Variants in RASGRP3 observed in about 807,000 individuals in gnomAD.
RASGRP3 encodes RAS guanyl releasing protein 3, also known as ras guanyl-releasing protein 3.
Under a neutral mutation model 82.7 loss-of-function variants are expected in RASGRP3, and 54 were observed. That is an observed-to-expected ratio of 0.65 (90% CI 0.52 to 0.82). The LOEUF (loss-of-function observed/expected upper bound fraction) is 0.82. Ranked by LOEUF, RASGRP3 falls within the 40% of genes least tolerant of loss-of-function variation. RASGRP3 has a pLI of 0.00. For missense variants in RASGRP3, 861 were observed against 828.9 expected, an observed-to-expected ratio of 1.04 and a Z score of -0.48; for synonymous variants, 309 against 300.5, an observed-to-expected ratio of 1.03 and a Z score of -0.29.
chr2:33,534,291 C>G, intron 10 of RASGRP3, 32 bp from the exon 11 acceptor site: 1 of 1,410,936 alleles, frequency 7.1e-7, no homozygotes, highest in South Asian at 1.2e-5. Flanking sequence ...AAATGTAATC[C>G]GACATTTTTA....
intron 1 of RASGRP3, among the ~76,000 whole-genome samples, chr2:33,491,119 C>T (rs185884757): frequency 6.6e-6 from 1 of 152,086 alleles, no homozygotes; most frequent in East Asian, 1.9e-4. Context: ...AGTTTGAGAC[C>T]AGCCTGGCCA....
intron 2 of RASGRP3, among the ~76,000 whole-genome samples, chr2:33,458,788 G>A (rs1217983904): frequency 6.6e-6 from 1 of 152,110 alleles, no homozygotes; most frequent in Non-Finnish European, 1.5e-5. Flanking sequence ...TAACATTTTT[G>A]TCCTTAATAG....
chr2:33,499,963 C>G (rs1223122924), intron 1 of RASGRP3, among the ~76,000 whole-genome samples: 1 of 152,012 alleles, frequency 6.6e-6, no homozygotes, highest in Non-Finnish European at 1.5e-5. Flanking sequence ...CATTCAGTAA[C>G]ATAAATTTTA....
At chr2:33,517,449 G>A (rs1455257939) in intron 4 of RASGRP3, among the ~76,000 whole-genome samples, 1 of 152,358 alleles carries the variant, frequency 6.6e-6, no homozygotes, top group Non-Finnish European at 1.5e-5. Flanking sequence ...GAGCCTTAGA[G>A]AGAGAGGCAC....
chr2:33,530,702 A>T (rs535968507), intron 10 of RASGRP3, among the ~76,000 whole-genome samples: 84 of 152,244 alleles, frequency 5.5e-4, no homozygotes, highest in Non-Finnish European at 6.6e-4. Flanking sequence ...CATGATGTGC[A>T]GTAAAGGAAG....
Position 33,535,705 on chromosome 2 carries a change from GA to G in RASGRP3, c.1161+1306del, listed in dbSNP as rs1027286863. On this transcript the variant is annotated intron_variant, in intron 11 of 17. Coordinates refer to ENST00000403687, the MANE Select transcript of RASGRP3 (RefSeq NM_001139488.2). ...CATCTCCTGGAAATACTGCAGAACA[GA>G]GCCACGTGGGATGATATGGCACATG... Among the ~76,000 whole-genome samples, 14 of 152,234 alleles carry G rather than the reference GA, an allele frequency of 9.2e-5. No individual in the cohort carries two copies. The South Asian group carries it at 1.0e-3, about 11-fold the overall frequency.
intron 2 of RASGRP3, among the ~76,000 whole-genome samples, chr2:33,466,918 C>T (rs1053355622): frequency 6.6e-6 from 1 of 152,076 alleles, no homozygotes; most frequent in Non-Finnish European, 1.5e-5. Flanking sequence ...GTTTACATCC[C>T]TCTTTGCTGC....
At position 33,486,371 on chromosome 2, in the gene RASGRP3, T is replaced by C. The variant is rs537971990; in HGVS notation, c.-261+9664T>C. 1.8e-3 allele frequency among the ~76,000 whole-genome samples: 276 copies of C among 152,240 alleles called. 2 individuals are homozygous for C. Among genetic ancestry groups the C allele is most frequent in the African/African-American group, 6.6e-3 (273 of 41,538 alleles). On this transcript the variant is annotated intron_variant, in intron 1 of 17. Coordinates refer to ENST00000403687, the MANE Select transcript of RASGRP3 (RefSeq NM_001139488.2). ...TTAGTAGAGATGGGGTTTTGCCATA[T>C]TGGCCAGGCTGGTCTTGAACTCCTG...
chr2:33,463,840 T>C (rs2150903538), intron 2 of RASGRP3, among the ~76,000 whole-genome samples: 1 of 151,686 alleles, frequency 6.6e-6, no homozygotes. Context: ...GACCTCGTGA[T>C]CCGCCTGCCT....
Position 33,558,808 on chromosome 2 carries a change from C to G in RASGRP3, c.1842C>G (p.Thr614=), listed in dbSNP as rs765149404. The part of the protein sequence containing the change: ...RLQRATTSQA[T]QTEPVWSEAG... ...AGAGGGCCACCACCAGCCAGGCCAC[C>G]CAGACTGAACCTGTCTGGTCAGAGG... is the stretch of plus-strand genomic sequence containing the variant. Residue 614 remains threonine (T), a synonymous_variant, in exon 17 of 18, where the codon ACC becomes ACG. Coordinates refer to ENST00000403687, the MANE Select transcript of RASGRP3 (RefSeq NM_001139488.2). The G allele has an allele frequency of 5.6e-6, 9 of 1,613,868 alleles. No homozygotes were observed. In the Admixed American group the frequency reaches 1.2e-4, roughly 21 times the overall value.
intron 2 of RASGRP3, among the ~76,000 whole-genome samples, chr2:33,458,474 G>C (rs1016250798): frequency 6.6e-6 from 1 of 152,102 alleles, no homozygotes; most frequent in Non-Finnish European, 1.5e-5. Context: ...CAGATATATT[G>C]CAACCTCTCA....
At chr2:33,505,906 G>A (rs1355395196) in intron 1 of RASGRP3, among the ~76,000 whole-genome samples, 1 of 152,104 alleles carries the variant, frequency 6.6e-6, no homozygotes, top group Non-Finnish European at 1.5e-5. Context: ...GTGGGACTTT[G>A]GAATTTCATG....
chr2:33,528,228 C>A (rs1672770069), intron 10 of RASGRP3, among the ~76,000 whole-genome samples: 1 of 152,224 alleles, frequency 6.6e-6, no homozygotes, highest in South Asian at 2.1e-4. Flanking sequence ...ATATGCCTAG[C>A]ACCTCTCACA....
At position 33,524,110 on chromosome 2, in the gene RASGRP3, GA is replaced by G. The variant is rs1672292169; in HGVS notation, c.690+62del. On this transcript the variant is annotated intron_variant, in intron 8 of 17. Transcript: ENST00000403687. ...TCTAGATGTTCGTTCACTCTGTTGA[GA>G]AAAGTCATTGAGGAAATGTGGCGTT... 5 of 1,560,516 alleles carry G rather than the reference GA, an allele frequency of 3.2e-6. No homozygotes were observed. In the East Asian group the frequency reaches 9.0e-5, roughly 28 times the overall value.
chr2:33,478,852 C>A (rs1343665617), intron 1 of RASGRP3, among the ~76,000 whole-genome samples: 2 of 152,218 alleles, frequency 1.3e-5, no homozygotes, highest in East Asian at 3.8e-4. Flanking sequence ...ACTTACTCTG[C>A]CAAATGATGC....
upstream of RASGRP3, among the ~76,000 whole-genome samples, chr2:33,473,244 G>A (rs1008862228): frequency 1.2e-4 from 19 of 152,080 alleles, no homozygotes; most frequent in African/African-American, 3.9e-4. Context: ...TTAGCTGGGC[G>A]TGGTGGCGGG....
At chr2:33,478,509 A>G (rs539162294) in intron 1 of RASGRP3, among the ~76,000 whole-genome samples, 1 of 152,230 alleles carries the variant, frequency 6.6e-6, no homozygotes, top group Non-Finnish European at 1.5e-5. Context: ...CGAGCCTCCC[A>G]TAATAAAATG....
chr2:33,538,596 TAC>T (rs1673899083), intron 11 of RASGRP3, among the ~76,000 whole-genome samples: 1 of 152,164 alleles, frequency 6.6e-6, no homozygotes, highest in African/African-American at 2.4e-5. Context: ...TGCATTTAGT[TAC>T]AGATTAGATT....
At chr2:33,456,635 A>G (rs1366263136) in intron 2 of RASGRP3, among the ~76,000 whole-genome samples, 1 of 152,224 alleles carries the variant, frequency 6.6e-6, no homozygotes, top group Non-Finnish European at 1.5e-5. Context: ...TAATTGACAT[A>G]TGATAATCCA....
Sources: gnomAD v4.1 joint callset for allele counts (sites outside exome capture counted in the v4.1 genomes callset) on GRCh38, gnomAD v4.1.1 for gene constraint, MANE v1.5 for transcripts, NCBI Gene and HGNC (gene_info 2026-07-23, HGNC 2026-07-21) for gene names.